PLEKHO1: variants seen among roughly 807,000 people sequenced by gnomAD.
PLEKHO1 encodes the protein pleckstrin homology domain containing O1, also known as pleckstrin homology domain-containing family O member 1.
A neutral mutation model predicts 41.4 loss-of-function variants in PLEKHO1; 22 were observed. That is an observed-to-expected ratio of 0.53 (90% CI 0.38 to 0.76). The LOEUF (loss-of-function observed/expected upper bound fraction) is 0.76. Among genes scored for constraint, PLEKHO1 ranks in the 30% least tolerant of loss-of-function variants. The pLI is 0.00. For synonymous variants in PLEKHO1, 225 were observed against 210.8 expected (o/e 1.07, Z -0.58); for missense variants, 488 against 518.3 (o/e 0.94, Z 0.57).
intron 2 of PLEKHO1, chr1:150,152,812 C>T (rs186590793): frequency 2.8e-4 from 42 of 148,382 alleles, no homozygotes; most frequent in Admixed American, 1.3e-3. Flanking sequence ...AAGAGAAAAA[C>T]ATAATAGTGA....
upstream of PLEKHO1, chr1:150,149,910 C>A (rs1317450866): frequency 4.0e-5 from 6 of 151,418 alleles, no homozygotes; most frequent in South Asian, 2.1e-4. Context: ...GCGGACTGGG[C>A]CGCCCACAGC....
intron 2 of PLEKHO1, among the ~76,000 whole-genome samples, chr1:150,151,596 C>T (rs1005930223): frequency 1.3e-5 from 2 of 152,172 alleles, no homozygotes; most frequent in Non-Finnish European, 2.9e-5. Flanking sequence ...TTCGTTGAAG[C>T]CAGTGTCCCT....
rs146949503 is a variant in PLEKHO1, at chr1:150,159,885, A to AGGG, written c.*365_*367dup. On this transcript the variant is annotated 3_prime_UTR_variant, in exon 6 of 6. Coordinates refer to ENST00000369124, the MANE Select transcript of PLEKHO1 (RefSeq NM_016274.6). ...AGTGGGCTTCTAAGCTTAGAGCGGG[A>AGGG]GGGGGATGAGGATGTTTTCTGTTAT... 5.5e-6 allele frequency: 1 copy of AGGG among 182,960 alleles called. No individual in the cohort carries two copies. Among genetic ancestry groups the AGGG allele is most frequent in the East Asian group, 1.4e-4 (1 of 7,066 alleles). 11.3% of individuals were successfully genotyped at this position (182,960 alleles called of 1,614,324 possible). A position where few individuals can be genotyped will look rare whatever the true frequency, so the allele number is the denominator to read the frequency against.
rs187737513 is a variant in PLEKHO1 at position 150,158,836 on chromosome 1, G to T, written c.543G>T (p.Ser181=). ...HLMAVASTST[S]DGMLTLDLIQ... is the part of the protein sequence containing the mutation. ...CTCCACAGGCTTCCACCTCTACCTCGGATGGGATGCTGACCTTGGACTTGA... is the reference window on the plus strand; with the variant it reads ...CTCCACAGGCTTCCACCTCTACCTCTGATGGGATGCTGACCTTGGACTTGA... The change falls in exon 6 of 6, where the codon TCG becomes TCT. Residue 181 remains serine, a synonymous_variant. Coordinates refer to ENST00000369124, the MANE Select transcript of PLEKHO1 (RefSeq NM_016274.6). The T allele has an allele frequency of 6.2e-7, 1 of 1,605,888 alleles. No homozygotes were observed. The highest frequency in any genetic ancestry group is 1.7e-5 in the Admixed American group (1 of 59,778).
In PLEKHO1 at chr1:150,150,280, C is replaced by A. The variant is rs781886372; in HGVS notation, c.23C>A (p.Ala8Asp). The A allele has an allele frequency of 1.8e-6, 2 of 1,121,436 alleles. No homozygotes were observed. Among genetic ancestry groups the A allele is most frequent in the South Asian group, 2.5e-5 (1 of 39,358 alleles). The allele number at this position is 1,121,436 out of a possible 1,614,324, so 69.5% of individuals were successfully genotyped here. A position where few individuals can be genotyped will look rare whatever the true frequency, so the allele number is the denominator to read the frequency against. Residue 8 changes from alanine to aspartate, a missense_variant, in exon 1 of 6, where the codon GCC (alanine) becomes GAC (aspartate). Ala to Asp is a moderately radical substitution (Grantham distance 126). Transcript: ENST00000369124. MMKKNNSAKRGPQDGNQQ... is the reference protein window; with the variant it reads MMKKNNSDKRGPQDGNQQ... Reference sequence around the variant, plus strand: ...GGAATGATGAAGAAGAACAATTCCGCCAAGCGGGTGAGTGCGCTTGCCCGC... The same window carrying A: ...GGAATGATGAAGAAGAACAATTCCGACAAGCGGGTGAGTGCGCTTGCCCGC...
chr1:150,149,884 G>A (rs587679792), upstream of PLEKHO1: 1 of 151,794 alleles, frequency 6.6e-6, no homozygotes, highest in African/African-American at 2.4e-5. Flanking sequence ...GCGGCCCGCG[G>A]ATGGAGCTGC....
Position 150,159,381 on chromosome 1 carries a change from C to G in PLEKHO1, c.1088C>G (p.Ser363Ter). The G allele has an allele frequency of 6.2e-7, 1 of 1,614,130 alleles. No individual in the cohort carries two copies. Among genetic ancestry groups the G allele is most frequent in the African/African-American group, 1.3e-5 (1 of 75,030 alleles). The change falls in exon 6 of 6, where the codon TCA becomes TGA. Residue 363 changes from serine (S) to a stop codon, truncating the protein, a stop_gained. Coordinates refer to ENST00000369124, the MANE Select transcript of PLEKHO1 (RefSeq NM_016274.6). LOFTEE classifies it high-confidence loss of function. ...LETERLLGEA[S>*]SNWSQAKRVL... is the part of the protein sequence containing the mutation. ...ACGGAACGGCTGCTGGGAGAGGCAT[C>G]ATCGAATTGGAGCCAGGCAAAGAGG...
At chr1:150,157,195 C>T in intron 4 of PLEKHO1, 180 bp downstream of exon 4, 1 of 697,454 alleles carries the variant, frequency 1.4e-6, no homozygotes, top group Admixed American at 2.3e-5. Context: ...TCATCTGACA[C>T]CTCCTCTTCC....
chr1:150,150,844 A>C (rs1659884301), intron 1 of PLEKHO1, 68 bp from the exon 2 acceptor site: 4 of 1,467,656 alleles, frequency 2.7e-6, no homozygotes, highest in Non-Finnish European at 3.8e-6. Context: ...CGGTCGTGAG[A>C]GACGGACGGA....
Position 150,158,511 on chromosome 1 carries a change from C to A in PLEKHO1, c.526-308C>A, listed in dbSNP as rs1340889779. On this transcript the variant is annotated intron_variant, in intron 5 of 5. Transcript: ENST00000369124. ...ACCAGCCATGGCCAACATGGTGAAACCCTGCCTCTGCTAAAAATACAAAAA... is the reference window on the plus strand; with the variant it reads ...ACCAGCCATGGCCAACATGGTGAAAACCTGCCTCTGCTAAAAATACAAAAA... Among the ~76,000 whole-genome samples the A allele has an allele frequency of 3.2e-5, 4 of 125,470 alleles. No homozygotes were observed. The Admixed American group carries it at 3.5e-4, about 11-fold the overall frequency. The allele number at this position is 125,470 out of a possible 152,430, so 82.3% of individuals were successfully genotyped here.
At chr1:150,154,300 C>A (rs1460656182) in intron 2 of PLEKHO1, 2 of 152,362 alleles carry the variant, frequency 1.3e-5, no homozygotes, top group African/African-American at 4.8e-5. Flanking sequence ...CTCTTGGACA[C>A]CCCTTGCCAG....
chr1:150,157,801 G>A (rs151239327), intron 5 of PLEKHO1, among the ~76,000 whole-genome samples: 6 of 152,286 alleles, frequency 3.9e-5, no homozygotes, highest in African/African-American at 1.2e-4. Flanking sequence ...GTAGTACCGC[G>A]GGTGTTTGGA....
chr1:150,157,173 T>C (rs909845912), intron 4 of PLEKHO1, 158 bp downstream of exon 4: 1 of 691,742 alleles, frequency 1.4e-6, no homozygotes, highest in Admixed American at 2.3e-5. Flanking sequence ...CTTTCTACCT[T>C]CTCTCCAAGT....
At chr1:150,158,043 T>C (rs1293472185) in intron 5 of PLEKHO1, among the ~76,000 whole-genome samples, 1 of 152,230 alleles carries the variant, frequency 6.6e-6, no homozygotes, top group Non-Finnish European at 1.5e-5. Flanking sequence ...CTTGAAGGGC[T>C]GCTGTGAGGA....
intron 5 of PLEKHO1, among the ~76,000 whole-genome samples, chr1:150,158,071 T>G (rs1325305659): frequency 6.6e-6 from 1 of 152,164 alleles, no homozygotes; most frequent in Non-Finnish European, 1.5e-5. Flanking sequence ...AAACAACATA[T>G]TTGGTATTGA....
At chr1:150,152,701 A>AAAAAAAAAAC (rs1659998562) in intron 2 of PLEKHO1, 1 of 143,452 alleles carries the variant, frequency 7.0e-6, no homozygotes, top group African/African-American at 2.9e-5. Context: ...AAAAAAAAAA[A>AAAAAAAAAAC]AAAAAAAAAA....
intron 1 of PLEKHO1, 74 bp from the exon 2 acceptor site, chr1:150,150,838 C>A: frequency 1.4e-6 from 2 of 1,420,526 alleles, no homozygotes; most frequent in Non-Finnish European, 2.0e-6. Flanking sequence ...CCGAGGCGGT[C>A]GTGAGAGACG....
chr1:150,157,204 C>T (rs587741259), intron 4 of PLEKHO1, 181 bp from the exon 5 acceptor site: 1 of 703,026 alleles, frequency 1.4e-6, no homozygotes, highest in East Asian at 2.7e-5. Flanking sequence ...ACCTCCTCTT[C>T]CCCGCTTCAT....
intron 2 of PLEKHO1, 68 bp downstream of exon 2, chr1:150,151,126 G>A (rs1659910333): frequency 6.4e-7 from 1 of 1,571,000 alleles, no homozygotes; most frequent in Non-Finnish European, 8.7e-7. Context: ...CCAAGGGCTC[G>A]CCTAGCTTAC....
Sources: gnomAD v4.1 joint callset for allele counts (sites outside exome capture counted in the v4.1 genomes callset) on GRCh38, gnomAD v4.1.1 for gene constraint, MANE v1.5 for transcripts, NCBI Gene and HGNC (gene_info 2026-07-23, HGNC 2026-07-21) for gene names.